The following ASCC3 variants were observed in gnomAD, a reference collection of about 807,000 sequenced individuals.
ASCC3 encodes the protein ASC-1 complex subunit P200.
Under a neutral mutation model 256.3 loss-of-function variants are expected in ASCC3, and 158 were observed. The ratio of observed to expected loss-of-function variants is 0.62; its 90% confidence interval spans 0.54 to 0.70. The LOEUF is 0.70. Ranked by LOEUF, ASCC3 falls within the 30% of genes least tolerant of loss-of-function variation. The pLI is 0.00. For missense variants in ASCC3, 2,259 were observed against 2,626.0 expected, an observed-to-expected ratio of 0.86 and a Z score of 3.05; for synonymous variants, 948 against 883.4, an observed-to-expected ratio of 1.07 and a Z score of -1.30.
At chr6:100,808,040 G>A (rs1346973507) in intron 4 of ASCC3, among the ~76,000 whole-genome samples, 2 of 151,832 alleles carry the variant, frequency 1.3e-5, no homozygotes, top group Non-Finnish European at 2.9e-5. Context: ...GAATGTATTT[G>A]TTGCCAATGC....
At chr6:100,572,735 A>AGTT (rs925675164) in intron 36 of ASCC3, among the ~76,000 whole-genome samples, 15 of 152,206 alleles carry the variant, frequency 9.9e-5, no homozygotes, top group Non-Finnish European at 1.9e-4. Flanking sequence ...GTGTTAACAT[A>AGTT]GTTGTTGTTG....
chr6:100,771,687 TAAA>T lies in ASCC3; in HGVS notation c.1396-4345_1396-4343del, dbSNP rs1313973967. 7.2e-5 allele frequency among the ~76,000 whole-genome samples: 11 copies of T among 152,134 alleles called. No individual in the cohort carries two copies. In the East Asian group the frequency reaches 2.1e-3, roughly 29 times the overall value. On this transcript the variant is annotated intron_variant, in intron 8 of 41. Coordinates refer to ENST00000369162, the MANE Select transcript of ASCC3 (RefSeq NM_006828.4). The stretch of plus-strand genomic sequence containing the variant: ...TCAACATCATTAGTCATTAGGGAAA[TAAA>T]AATTAAAATCACAACTATGCACCTG...
At chr6:100,580,883 G>A (rs1007368666) in intron 36 of ASCC3, among the ~76,000 whole-genome samples, 2 of 151,908 alleles carry the variant, frequency 1.3e-5, no homozygotes, top group African/African-American at 4.8e-5. Flanking sequence ...ATTTCCAATT[G>A]CATCCATGTC....
At chr6:100,615,263 G>A (rs555450570) in intron 30 of ASCC3, among the ~76,000 whole-genome samples, 7 of 152,230 alleles carry the variant, frequency 4.6e-5, no homozygotes, top group East Asian at 3.9e-4. Context: ...ATGAGCCACC[G>A]TGCTCAGCCC....
intron 4 of ASCC3, among the ~76,000 whole-genome samples, chr6:100,827,911 A>G (rs764391165): frequency 6.6e-6 from 1 of 152,118 alleles, no homozygotes; most frequent in Non-Finnish European, 1.5e-5. Flanking sequence ...TAGAATGAAC[A>G]ACAAAAATTT....
intron 32 of ASCC3, 150 bp from the exon 33 acceptor site, chr6:100,605,850 C>T (rs7452753): frequency 0.4 from 322,861 of 798,968 alleles, 69,890 homozygotes; most frequent in Non-Finnish European, 0.45. Flanking sequence ...GCTACTACTA[C>T]GTTGAGTTCC....
At chr6:100,872,699 G>C (rs1270709102) in intron 1 of ASCC3, among the ~76,000 whole-genome samples, 1 of 152,104 alleles carries the variant, frequency 6.6e-6, no homozygotes, top group African/African-American at 2.4e-5. Flanking sequence ...CCCACAGACG[G>C]TTCACATCAC....
chr6:100,655,602 C>G (rs1351624983), intron 17 of ASCC3, 97 bp downstream of exon 17: 1 of 1,406,682 alleles, frequency 7.1e-7, no homozygotes, highest in Non-Finnish European at 9.8e-7. Context: ...TACCTCTTTT[C>G]AGATGAGGCA....
At chr6:100,826,786 A>G in intron 4 of ASCC3, among the ~76,000 whole-genome samples, 1 of 152,314 alleles carries the variant, frequency 6.6e-6, no homozygotes, top group Non-Finnish European at 1.5e-5. Flanking sequence ...CAAAATTCAG[A>G]GTAAGGTTTT....
chr6:100,605,592 TAAAG>T lies in ASCC3; in HGVS notation c.5149_5152del (p.Leu1717MetfsTer6). On this transcript the variant is annotated frameshift_variant, in exon 33 of 42. Transcript: ENST00000369162. LOFTEE classifies it high-confidence loss of function. Reference sequence around the variant, plus strand: ...CCTTGATTCTACTGGGAAAGGTTCATAAAGAAATTTTTTATAAAAGTCTTTCTTT... The same window carrying T: ...CCTTGATTCTACTGGGAAAGGTTCATAAATTTTTTATAAAAGTCTTTCTTT... 6.5e-7 allele frequency: 1 copy of T among 1,546,792 alleles called. No individual in the cohort carries two copies. The highest frequency in any genetic ancestry group is 2.2e-5 in the East Asian group (1 of 44,472).
intron 4 of ASCC3, among the ~76,000 whole-genome samples, chr6:100,825,243 T>C (rs1007704944): frequency 3.3e-5 from 5 of 151,736 alleles, no homozygotes; most frequent in Non-Finnish European, 5.9e-5. Flanking sequence ...ATTAGTAAAC[T>C]TTCTTAAAAC....
intron 36 of ASCC3, among the ~76,000 whole-genome samples, chr6:100,578,513 G>C (rs561334438): frequency 6.6e-6 from 1 of 152,200 alleles, no homozygotes; most frequent in East Asian, 1.9e-4. Flanking sequence ...GTGAGAATAT[G>C]TGGTATTTGG....
At chr6:100,880,169 A>G (rs1252389435) in intron 1 of ASCC3, among the ~76,000 whole-genome samples, 3 of 152,180 alleles carry the variant, frequency 2.0e-5, no homozygotes, top group Non-Finnish European at 4.4e-5. Flanking sequence ...TTTAAGGATC[A>G]TTTTTCTCAT....
chr6:100,512,578 G>T, intron 40 of ASCC3, 131 bp downstream of exon 40: 1 of 952,378 alleles, frequency 1.0e-6, no homozygotes, highest in Non-Finnish European at 1.7e-6. Context: ...ACTAACTCTC[G>T]CTGCTTAAGA....
chr6:100,719,445 T>A (rs1441091054), intron 11 of ASCC3, among the ~76,000 whole-genome samples: 3 of 151,758 alleles, frequency 2.0e-5, no homozygotes, highest in African/African-American at 7.3e-5. Context: ...TATTTGGTTT[T>A]AAAATCATTT....
intron 36 of ASCC3, among the ~76,000 whole-genome samples, chr6:100,566,726 C>G (rs866041998): frequency 6.6e-6 from 1 of 152,178 alleles, no homozygotes; most frequent in African/African-American, 2.4e-5. Flanking sequence ...CACCCCATCC[C>G]TGGGATCATT....
At chr6:100,549,520 G>C (rs898749060) in intron 36 of ASCC3, among the ~76,000 whole-genome samples, 1 of 151,812 alleles carries the variant, frequency 6.6e-6, no homozygotes, top group African/African-American at 2.4e-5. Context: ...CAAAAATGAG[G>C]GATCAGCTAT....
At chr6:100,550,137 G>T (rs1339231005) in intron 36 of ASCC3, among the ~76,000 whole-genome samples, 1 of 151,870 alleles carries the variant, frequency 6.6e-6, no homozygotes, top group African/African-American at 2.4e-5. Context: ...GTGGTGGAAG[G>T]AGAAGAAATC....
intron 37 of ASCC3, among the ~76,000 whole-genome samples, chr6:100,538,459 C>T (rs1231572593): frequency 6.6e-6 from 1 of 152,114 alleles, no homozygotes; most frequent in Non-Finnish European, 1.5e-5. Context: ...AATAATTCTT[C>T]AGTTTCTAAA....
Sources: gnomAD v4.1 joint callset for allele counts (sites outside exome capture counted in the v4.1 genomes callset) on GRCh38, gnomAD v4.1.1 for gene constraint, MANE v1.5 for transcripts, NCBI Gene and HGNC (gene_info 2026-07-23, HGNC 2026-07-21) for gene names.